PHF24: variants seen among roughly 807,000 people sequenced by gnomAD.
The protein encoded by PHF24 is PHD finger protein 24, also known as Galpha inhibitory interacting protein.
PHF24 carries 25 observed loss-of-function variants against 42.6 expected under a neutral mutation model. That is an observed-to-expected ratio of 0.59 (90% confidence interval 0.43 to 0.82). PHF24 has a LOEUF of 0.82. Ranked by LOEUF, PHF24 falls within the 40% of genes least tolerant of loss-of-function variation. The pLI, the probability that PHF24 is intolerant of heterozygous loss-of-function variation, is 0.00. For synonymous variants in PHF24, 185 were observed against 204.8 expected, an observed-to-expected ratio of 0.90 and a Z score of 0.83; for missense variants, 470 against 538.1, an observed-to-expected ratio of 0.87 and a Z score of 1.25.
the PHF24 span, among the ~76,000 whole-genome samples, chr9:34,859,685 A>T: frequency 6.6e-6 from 1 of 152,028 alleles, no homozygotes; most frequent in African/African-American, 2.4e-5. Context: ...AAATAGTTTG[A>T]TTTTTTCAAG....
chr9:34,867,909 A>G, the PHF24 span, among the ~76,000 whole-genome samples: 1 of 152,198 alleles, frequency 6.6e-6, no homozygotes, highest in Non-Finnish European at 1.5e-5. Context: ...GACCCAAGAC[A>G]GAGGATATGC....
the PHF24 span, among the ~76,000 whole-genome samples, chr9:34,945,916 C>G: frequency 1.3e-5 from 2 of 152,212 alleles, no homozygotes; most frequent in African/African-American, 4.8e-5. Context: ...GGGAATTCCT[C>G]AAGCCAAAGT....
the PHF24 span, among the ~76,000 whole-genome samples, chr9:34,766,982 C>A: frequency 6.6e-6 from 1 of 152,280 alleles, no homozygotes. Flanking sequence ...ACCCTGTTTG[C>A]CTGTGTATCA....
chr9:34,752,176 G>A, the PHF24 span, among the ~76,000 whole-genome samples: 1 of 152,096 alleles, frequency 6.6e-6, no homozygotes, highest in South Asian at 2.1e-4. Flanking sequence ...AAAGTTAGTA[G>A]AAGAAAAGAA....
chr9:34,876,342 T>C, the PHF24 span, among the ~76,000 whole-genome samples: 5 of 152,082 alleles, frequency 3.3e-5, no homozygotes, highest in Non-Finnish European at 7.4e-5. Flanking sequence ...TGTCACACCA[T>C]GAAAAGACAT....
chr9:34,971,557 G>A (rs769856262), exon 2 of PHF24: 11 of 1,614,040 alleles, frequency 6.8e-6, no homozygotes, highest in South Asian at 2.2e-5. Flanking sequence ...AGATGGGCGC[G>A]GCGTGGAGCC....
chr9:34,676,666 A>G, the PHF24 span, among the ~76,000 whole-genome samples: 1 of 152,236 alleles, frequency 6.6e-6, no homozygotes, highest in Non-Finnish European at 1.5e-5. Flanking sequence ...TGGGTAATTT[A>G]TAAGAAAAAA....
the PHF24 span, among the ~76,000 whole-genome samples, chr9:34,852,681 C>A: frequency 6.6e-6 from 1 of 152,312 alleles, no homozygotes; most frequent in Non-Finnish European, 1.5e-5. Flanking sequence ...TGCTTCCTTT[C>A]TCTTGCTGCT....
the PHF24 span, chr9:34,728,801 T>G: frequency 9.7e-3 from 7,534 of 773,988 alleles, 74 homozygotes; most frequent in Middle Eastern, 0.018. Flanking sequence ...CCTTTGCCTA[T>G]TCCACCTTTT....
the PHF24 span, among the ~76,000 whole-genome samples, chr9:34,820,345 G>C: frequency 6.6e-6 from 1 of 151,976 alleles, no homozygotes; most frequent in Admixed American, 6.6e-5. Flanking sequence ...GGTAATAAAC[G>C]TAGTACTGAT....
the PHF24 span, among the ~76,000 whole-genome samples, chr9:34,886,019 T>A: frequency 1.4e-4 from 22 of 151,930 alleles, no homozygotes; most frequent in African/African-American, 5.3e-4. Context: ...GTGGAGGAAT[T>A]CTTTCTTCTT....
At chr9:34,884,889 TG>T in the PHF24 span, among the ~76,000 whole-genome samples, 1 of 152,230 alleles carries the variant, frequency 6.6e-6, no homozygotes, top group Non-Finnish European at 1.5e-5. Flanking sequence ...CGAGCAATCA[TG>T]GTGGCCAGTT....
chr9:34,822,479 A>G, the PHF24 span, among the ~76,000 whole-genome samples: 1 of 152,244 alleles, frequency 6.6e-6, no homozygotes. Flanking sequence ...TGAAACTATC[A>G]TGACTAATTT....
At chr9:34,761,948 T>C in the PHF24 span, among the ~76,000 whole-genome samples, 2 of 152,050 alleles carry the variant, frequency 1.3e-5, no homozygotes, top group African/African-American at 2.4e-5. Flanking sequence ...TATGCGGTGT[T>C]TGGTTTTTTG....
intron 3 of PHF24, among the ~76,000 whole-genome samples, chr9:34,975,696 C>CTT (rs879481586): frequency 2.1e-5 from 3 of 145,050 alleles, no homozygotes; most frequent in African/African-American, 7.6e-5. Context: ...TAGGATTAAA[C>CTT]TTTTTTTTTT....
At chr9:34,687,581 C>A in the PHF24 span, among the ~76,000 whole-genome samples, 3 of 152,202 alleles carry the variant, frequency 2.0e-5, no homozygotes, top group East Asian at 5.8e-4. Context: ...GCGGCAGTGT[C>A]ATGGAGGTAG....
chr9:34,953,099 C>G (rs2132823264), upstream of PHF24, among the ~76,000 whole-genome samples: 1 of 152,284 alleles, frequency 6.6e-6, no homozygotes, highest in East Asian at 1.9e-4. This position sits in a 1 kb window ranked among gnomAD's most constrained non-coding sequence, Gnocchi z 4.1. Context: ...GGGCACAACC[C>G]ATAAAAGACA....
At chr9:34,786,139 A>G in the PHF24 span, among the ~76,000 whole-genome samples, 1 of 152,214 alleles carries the variant, frequency 6.6e-6, no homozygotes, top group East Asian at 1.9e-4. Flanking sequence ...GTGATGAATG[A>G]TTGGCACTGG....
At chr9:34,838,508 T>G in the PHF24 span, 3 of 1,330,866 alleles carry the variant, frequency 2.3e-6, no homozygotes, top group African/African-American at 4.4e-5. Flanking sequence ...TAAACCTCAT[T>G]AGCATGAGAT....
Sources: gnomAD v4.1 joint callset for allele counts (sites outside exome capture counted in the v4.1 genomes callset) on GRCh38, gnomAD v4.1.1 for gene constraint, Gnocchi (gnomAD v3.1) non-coding constraint, MANE v1.5 for transcripts, NCBI Gene and HGNC (gene_info 2026-07-23, HGNC 2026-07-21) for gene names.